The following CMYA5 variants were observed in gnomAD, a reference collection of about 807,000 sequenced individuals.
The protein encoded by CMYA5 is cardiomyopathy associated 5.
A neutral mutation model predicts 318.9 loss-of-function variants in CMYA5; 246 were observed. The ratio of observed to expected loss-of-function variants is 0.77; its 90% confidence interval spans 0.70 to 0.86. The LOEUF is 0.86. CMYA5 is among the 40% of genes least tolerant of loss of function. The probability of loss-of-function intolerance (pLI) is 0.00; values close to 1 mark genes in which losing one functional copy is unlikely to be tolerated. For missense variants in CMYA5, 4,589 were observed against 4,678.2 expected (o/e 0.98, Z 0.56); for synonymous variants, 1,641 against 1,729.5 (o/e 0.95, Z 1.27).
intron 1 of CMYA5, among the ~76,000 whole-genome samples, chr5:79,705,345 C>A (rs1341064746): frequency 6.6e-6 from 1 of 151,730 alleles, no homozygotes; most frequent in African/African-American, 2.4e-5. Flanking sequence ...CAGAGCTAGC[C>A]AAAAGAACCC....
intron 9 of CMYA5, among the ~76,000 whole-genome samples, chr5:79,768,978 A>G (rs1316368861): frequency 1.3e-5 from 2 of 152,010 alleles, no homozygotes; most frequent in East Asian, 3.9e-4. Context: ...TATTTCTTGG[A>G]GGCTTTGTTT....
chr5:79,696,243 T>C (rs1827063799), intron 1 of CMYA5, among the ~76,000 whole-genome samples: 1 of 152,234 alleles, frequency 6.6e-6, no homozygotes, highest in African/African-American at 2.4e-5. Flanking sequence ...TCTGCAGTCA[T>C]CAGTGCCGCC....
chr5:79,724,631 T>C (rs1827712305), intron 1 of CMYA5, among the ~76,000 whole-genome samples: 1 of 152,216 alleles, frequency 6.6e-6, no homozygotes, highest in African/African-American at 2.4e-5. Context: ...GAGAATGCAG[T>C]CAGAGGGGAA....
chr5:79,768,551 G>T (rs1161265697), intron 9 of CMYA5, among the ~76,000 whole-genome samples: 1 of 152,166 alleles, frequency 6.6e-6, no homozygotes, highest in Non-Finnish European at 1.5e-5. Flanking sequence ...CTTTGCTTAT[G>T]AAGCTTAGTT....
At chr5:79,740,950 C>G (rs1257064584) in intron 2 of CMYA5, among the ~76,000 whole-genome samples, 1 of 152,114 alleles carries the variant, frequency 6.6e-6, no homozygotes, top group African/African-American at 2.4e-5. Context: ...CTCACTGCAG[C>G]CTTGACCTCC....
At chr5:79,719,595 G>A (rs574156854) in intron 1 of CMYA5, among the ~76,000 whole-genome samples, 1 of 152,336 alleles carries the variant, frequency 6.6e-6, no homozygotes, top group African/African-American at 2.4e-5. Flanking sequence ...ACCAGCAAAT[G>A]TATTAAAGCT....
At chr5:79,694,189 A>G (rs534033745) in intron 1 of CMYA5, among the ~76,000 whole-genome samples, 60 of 152,312 alleles carry the variant, frequency 3.9e-4, no homozygotes, top group African/African-American at 1.4e-3. Flanking sequence ...TTCTGAGTAA[A>G]ATTGGAAGCT....
chr5:79,714,044 G>C (rs1827464900), intron 1 of CMYA5, among the ~76,000 whole-genome samples: 1 of 152,142 alleles, frequency 6.6e-6, no homozygotes, highest in South Asian at 2.1e-4. Flanking sequence ...ACAGAATGAT[G>C]GTGGTTTTCC....
At position 79,753,006 on chromosome 5, in the gene CMYA5, C is replaced by T. The variant is rs139508258; in HGVS notation, c.11110+212C>T. On this transcript the variant is annotated intron_variant, in intron 6 of 12. Transcript: ENST00000446378. ...TGCATTTCCATCTGAAGCTTTATGACTTGCTTGGAGATTGAGGAGGTGGAA... is the reference window on the plus strand; with the variant it reads ...TGCATTTCCATCTGAAGCTTTATGATTTGCTTGGAGATTGAGGAGGTGGAA... 4.5e-3 allele frequency among the ~76,000 whole-genome samples: 686 copies of T among 151,900 alleles called. 6 individuals are homozygous for T. Among genetic ancestry groups the T allele is most frequent in the African/African-American group, 0.014 (589 of 41,436 alleles).
chr5:79,744,177 C>G (rs1381506546), intron 3 of CMYA5, among the ~76,000 whole-genome samples: 2 of 152,186 alleles, frequency 1.3e-5, no homozygotes, highest in African/African-American at 4.8e-5. Flanking sequence ...TATAATAGGG[C>G]AAATGCTTTA....
chr5:79,711,907 C>T (rs1827398035), intron 1 of CMYA5, among the ~76,000 whole-genome samples: 1 of 152,194 alleles, frequency 6.6e-6, no homozygotes, highest in African/African-American at 2.4e-5. Flanking sequence ...GGTTGTTTTT[C>T]AATCACAATT....
chr5:79,740,234 T>C (rs568582987), intron 2 of CMYA5, among the ~76,000 whole-genome samples: 19 of 152,196 alleles, frequency 1.2e-4, no homozygotes, highest in Non-Finnish European at 2.6e-4. Flanking sequence ...TCTGCAGATA[T>C]TGAAGACAAC....
At position 79,752,675 on chromosome 5, in the gene CMYA5, G is replaced by A; in HGVS notation, c.10992-1G>A. ...TTATGTAGAGCTCTATTCCCCGATA[G>A]GTTGCTTTCTGCAATGGAGAGCACT... is the stretch of plus-strand genomic sequence containing the variant. On this transcript the variant is annotated splice_acceptor_variant, in intron 5 of 12. Coordinates refer to ENST00000446378, the MANE Select transcript of CMYA5 (RefSeq NM_153610.5). LOFTEE classifies it high-confidence loss of function. The A allele has an allele frequency of 6.2e-7, 1 of 1,605,202 alleles. No individual in the cohort carries two copies. The highest frequency in any genetic ancestry group is 8.5e-7 in the Non-Finnish European group (1 of 1,173,114).
At position 79,729,861 on chromosome 5, in the gene CMYA5, CA is replaced by C; in HGVS notation, c.1097del (p.Gln366ArgfsTer16). On this transcript the variant is annotated frameshift_variant, in exon 2 of 13. Transcript: ENST00000446378. LOFTEE classifies it high-confidence loss of function. ...CAGGCATTCACAGTCAGTGCCACAA[CA>C]GCCAGAAGATGAAGCAAAACCACAT... ...QLRHSQSVPQ[Q>X]PEDEAKPHEV... 1 of 1,612,558 alleles carries C rather than the reference CA, an allele frequency of 6.2e-7. No individual in the cohort carries two copies. Among genetic ancestry groups the C allele is most frequent in the Non-Finnish European group, 8.5e-7 (1 of 1,179,152 alleles).
intron 1 of CMYA5, among the ~76,000 whole-genome samples, chr5:79,690,288 C>T (rs1372568026): frequency 6.6e-6 from 1 of 152,182 alleles, no homozygotes; most frequent in African/African-American, 2.4e-5. Context: ...CCTTGTGACT[C>T]GCTGCTCTTG....
Position 79,738,436 on chromosome 5 carries a change from C to T in CMYA5, c.9671C>T (p.Pro3224Leu). 1.2e-6 allele frequency: 2 copies of T among 1,613,630 alleles called. No individual in the cohort carries two copies. Among genetic ancestry groups the T allele is most frequent in the South Asian group, 2.2e-5 (2 of 91,026 alleles). ...GDSVNSEASF[P>L]SRNSDTDDGT... is the part of the protein sequence containing the mutation. ...AGTGTGAATTCTGAGGCATCATTTCCCAGCAGAAATTCTGACACTGATGAT... is the reference window on the plus strand; with the variant it reads ...AGTGTGAATTCTGAGGCATCATTTCTCAGCAGAAATTCTGACACTGATGAT... Residue 3224 changes from proline (P) to leucine (L), a missense_variant, in exon 2 of 13, where the codon CCC becomes CTC. Coordinates refer to ENST00000446378, the MANE Select transcript of CMYA5 (RefSeq NM_153610.5).
intron 12 of CMYA5, 23 bp from the exon 13 acceptor site, chr5:79,799,347 T>G: frequency 6.3e-7 from 1 of 1,580,988 alleles, no homozygotes; most frequent in South Asian, 1.1e-5. Context: ...GAGTTTTATG[T>G]TTCCCATTCG....
rs959129009 is a variant in CMYA5, at chr5:79,737,661, G to A, written c.8896G>A (p.Asp2966Asn). The change falls in exon 2 of 13, where the codon GAT (aspartate) becomes AAT (asparagine). Residue 2966 changes from aspartate to asparagine, a missense_variant. Transcript: ENST00000446378. ...IHAPAFISSIDQEESEQMQDK... is the reference protein window; with the variant it reads ...IHAPAFISSINQEESEQMQDK... ...TGCTCCGGCCTTTATTTCTTCAATC[G>A]ATCAGGAAGAAAGTGAACAAATGCA... 9 of 1,613,160 alleles carry A rather than the reference G, an allele frequency of 5.6e-6. No individual in the cohort carries two copies. The highest frequency in any genetic ancestry group is 6.8e-6 in the Non-Finnish European group (8 of 1,179,624).
At chr5:79,693,226 A>G (rs1827003052) in intron 1 of CMYA5, among the ~76,000 whole-genome samples, 1 of 152,222 alleles carries the variant, frequency 6.6e-6, no homozygotes, top group African/African-American at 2.4e-5. Flanking sequence ...AAGGCAGATT[A>G]TAAAACTCAC....
Sources: allele counts gnomAD v4.1 joint callset (sites outside exome capture counted in the v4.1 genomes callset), GRCh38; gene constraint gnomAD v4.1.1; transcripts MANE v1.5; gene names NCBI Gene and HGNC (gene_info 2026-07-23, HGNC 2026-07-21).